ANK1: variants seen among roughly 807,000 people sequenced by gnomAD.
ANK1 encodes the protein ankyrin 1.
Under a neutral mutation model 210.4 loss-of-function variants are expected in ANK1, and 51 were observed. The observed-to-expected ratio is 0.24, with a 90% CI of 0.19 to 0.31. The LOEUF (loss-of-function observed/expected upper bound fraction) is 0.31, where lower values mean the gene tolerates loss of function less well. Among genes scored for constraint, ANK1 ranks in the 10% least tolerant of loss-of-function variants. The pLI is 1.00. For missense variants in ANK1, 2,051 were observed against 2,504.4 expected, an observed-to-expected ratio of 0.82 and a Z score of 3.86; for synonymous variants, 967 against 1,025.9, an observed-to-expected ratio of 0.94 and a Z score of 1.10.
chr8:41,889,152 A>G (rs1378590355), intron 1 of ANK1, among the ~76,000 whole-genome samples: 4 of 152,206 alleles, frequency 2.6e-5, no homozygotes, highest in African/African-American at 9.7e-5. Context: ...GGAAGGAAAG[A>G]TAGCTTCAGC....
intron 1 of ANK1, among the ~76,000 whole-genome samples, chr8:41,789,826 G>A (rs536059575): frequency 8.5e-5 from 13 of 152,312 alleles, no homozygotes; most frequent in African/African-American, 2.6e-4. Flanking sequence ...TCAATACCAC[G>A]TTAAGATGAA....
At position 41,708,988 on chromosome 8, in the gene ANK1, A is replaced by C. The variant is rs767962369; in HGVS notation, c.1801-13T>G. ...GGGTGTAGCCATTCTGAAACAGAAGAAGCCGCCCAGAGCCTGGTTACAGGA... is the reference window on the plus strand; with the variant it reads ...GGGTGTAGCCATTCTGAAACAGAAGCAGCCGCCCAGAGCCTGGTTACAGGA... On this transcript the variant is annotated splice_polypyrimidine_tract_variant and intron_variant, in intron 16 of 42. Transcript: ENST00000289734. 1 of 1,613,542 alleles carries C rather than the reference A, an allele frequency of 6.2e-7. No homozygotes were observed. Among genetic ancestry groups the C allele is most frequent in the Non-Finnish European group, 8.5e-7 (1 of 1,180,022 alleles).
intron 1 of ANK1, among the ~76,000 whole-genome samples, chr8:41,849,569 C>T (rs1320761330): frequency 1.3e-5 from 2 of 152,140 alleles, no homozygotes; most frequent in African/African-American, 4.8e-5. Context: ...GTCCTATTTC[C>T]CCAAATAGAG....
At chr8:41,770,313 A>C (rs1201607042) in intron 1 of ANK1, among the ~76,000 whole-genome samples, 1 of 152,114 alleles carries the variant, frequency 6.6e-6, no homozygotes, top group Non-Finnish European at 1.5e-5. Flanking sequence ...ACATCTGTTC[A>C]AATCTTTTGT....
intron 20 of ANK1, among the ~76,000 whole-genome samples, chr8:41,702,926 T>A (rs1823265258): frequency 6.6e-6 from 1 of 152,156 alleles, no homozygotes; most frequent in African/African-American, 2.4e-5. Context: ...GTCAAGTGGT[T>A]CTTGTGCCTC....
At chr8:41,764,479 C>T (rs1436259447) in intron 1 of ANK1, among the ~76,000 whole-genome samples, 1 of 152,234 alleles carries the variant, frequency 6.6e-6, no homozygotes, top group Non-Finnish European at 1.5e-5. Context: ...ACCTGACCAT[C>T]TCTGGGCTAT....
In ANK1 at chr8:41,684,728, C is replaced by T. The variant is rs536388971; in HGVS notation, c.4391-38G>A. 1.1e-4 allele frequency: 183 copies of T among 1,605,898 alleles called. 2 individuals are homozygous for T. Among genetic ancestry groups the T allele is most frequent in the South Asian group, 1.1e-3 (96 of 90,964 alleles). On this transcript the variant is annotated intron_variant, in intron 36 of 42. Coordinates refer to ENST00000289734, the MANE Select transcript of ANK1 (RefSeq NM_000037.4). ...AAGAGAGATGCACGTTACTCCAGGC[C>T]GGTGAGCGAGGATCACATGGGCTCA...
At position 41,717,721 on chromosome 8, in the gene ANK1, G is replaced by A; in HGVS notation, c.1207-19C>T. On this transcript the variant is annotated intron_variant, in intron 11 of 42. Transcript: ENST00000289734. ...GGCCAGACTGAAACAGACAAAGGCA[G>A]AGTCCGATAAGTGGGAGTCTTTCCG... 6.5e-7 allele frequency: 1 copy of A among 1,543,998 alleles called. No homozygotes were observed.
At chr8:41,727,464 C>G in intron 4 of ANK1, 116 bp from the exon 5 acceptor site, 1 of 773,036 alleles carries the variant, frequency 1.3e-6, no homozygotes. Flanking sequence ...TTCCTCCCAC[C>G]TGACCCCTCC....
chr8:41,878,504 T>C (rs889760005), intron 1 of ANK1, among the ~76,000 whole-genome samples: 1 of 152,146 alleles, frequency 6.6e-6, no homozygotes, highest in Non-Finnish European at 1.5e-5. Flanking sequence ...CCAGAAGCCA[T>C]GGTCAAGATC....
chr8:41,889,829 A>T (rs546889640), intron 1 of ANK1, among the ~76,000 whole-genome samples: 4 of 152,346 alleles, frequency 2.6e-5, no homozygotes, highest in East Asian at 3.9e-4. Flanking sequence ...GCCACACAAG[A>T]CTTCAATAAA....
intron 1 of ANK1, among the ~76,000 whole-genome samples, chr8:41,890,235 T>C (rs898970566): frequency 2.0e-5 from 3 of 152,316 alleles, no homozygotes; most frequent in Admixed American, 2.0e-4. Flanking sequence ...AAACTGAGGC[T>C]GGAGGAAATT....
At chr8:41,881,821 C>A (rs142445217) in intron 1 of ANK1, among the ~76,000 whole-genome samples, 2 of 152,182 alleles carry the variant, frequency 1.3e-5, no homozygotes, top group Admixed American at 6.5e-5. Flanking sequence ...ACCGTTCCCA[C>A]GCACCTGCCT....
intron 38 of ANK1, 71 bp from the exon 39 acceptor site, chr8:41,668,635 C>T: frequency 6.7e-7 from 1 of 1,489,322 alleles, no homozygotes; most frequent in African/African-American, 1.4e-5. Flanking sequence ...CCATCAGTCT[C>T]ATTCCTTTTA....
intron 1 of ANK1, among the ~76,000 whole-genome samples, chr8:41,864,162 A>C (rs1813836045): frequency 6.6e-6 from 1 of 150,748 alleles, no homozygotes; most frequent in African/African-American, 2.4e-5. Context: ...AGGCAGAAGA[A>C]TGGCATGAAC....
At chr8:41,887,189 C>T (rs1308455024) in intron 1 of ANK1, among the ~76,000 whole-genome samples, 43 of 151,160 alleles carry the variant, frequency 2.8e-4, no homozygotes, top group African/African-American at 2.4e-5. Flanking sequence ...TTCTGTGTCT[C>T]GACAACTTGT....
At chr8:41,874,546 G>A (rs1816200949) in intron 1 of ANK1, among the ~76,000 whole-genome samples, 1 of 152,334 alleles carries the variant, frequency 6.6e-6, no homozygotes, top group Admixed American at 6.5e-5. Flanking sequence ...ACTTCTTTCA[G>A]AGTGTGTCGG....
At position 41,694,160 on chromosome 8, in the gene ANK1, G is replaced by A. The variant is rs1035901453; in HGVS notation, c.3328-58C>T. On this transcript the variant is annotated intron_variant, in intron 28 of 42. Coordinates refer to ENST00000289734, the MANE Select transcript of ANK1 (RefSeq NM_000037.4). The surrounding 1 kb of genome is among the most constrained non-coding windows in gnomAD (Gnocchi z 5.7). ...CAAGCAGGAGAGGGGCTAATCAGACGGGAGGCAGCTCCATGCCTGGTGAGA... is the reference window on the plus strand; with the variant it reads ...CAAGCAGGAGAGGGGCTAATCAGACAGGAGGCAGCTCCATGCCTGGTGAGA... 4.9e-5 allele frequency: 76 copies of A among 1,547,006 alleles called. No homozygotes were observed. Among genetic ancestry groups the A allele is most frequent in the Non-Finnish European group, 5.9e-5 (67 of 1,131,980 alleles).
intron 21 of ANK1, 105 bp from the exon 22 acceptor site, chr8:41,701,727 A>G (rs1822854629): frequency 8.3e-7 from 1 of 1,201,776 alleles, no homozygotes; most frequent in Non-Finnish European, 1.2e-6. Context: ...CCACAAATGA[A>G]GAAAAACAGA....
Sources: gnomAD v4.1 joint callset for allele counts (sites outside exome capture counted in the v4.1 genomes callset) on GRCh38, gnomAD v4.1.1 for gene constraint, Gnocchi (gnomAD v3.1) non-coding constraint, MANE v1.5 for transcripts, NCBI Gene and HGNC (gene_info 2026-07-23, HGNC 2026-07-21) for gene names.